CELF4: variants seen among roughly 807,000 people sequenced by gnomAD.
The protein encoded by CELF4 is CUGBP Elav-like family member 4, also known as CUG-BP- and ETR-3-like factor 4.
In CELF4, 18 loss-of-function variants were observed where a neutral mutation model predicts 59.9. The ratio of observed to expected loss-of-function variants is 0.30; its 90% CI spans 0.21 to 0.45. The LOEUF (loss-of-function observed/expected upper bound fraction) is 0.45. Ranked by LOEUF, CELF4 falls within the 20% of genes least tolerant of loss-of-function variation. The pLI, the probability that CELF4 is intolerant of heterozygous loss-of-function variation, is 1.00. For synonymous variants in CELF4, 261 were observed against 267.1 expected (o/e 0.98, Z 0.22); for missense variants, 456 against 689.0 (o/e 0.66, Z 3.79).
intron 1 of CELF4, among the ~76,000 whole-genome samples, chr18:37,521,483 T>A (rs2099957381): frequency 6.6e-6 from 1 of 152,184 alleles, no homozygotes. Flanking sequence ...TACAATGCGG[T>A]CTTATAATCT....
intron 1 of CELF4, among the ~76,000 whole-genome samples, chr18:37,518,810 C>A: frequency 6.6e-6 from 1 of 152,238 alleles, no homozygotes; most frequent in East Asian, 1.9e-4. Context: ...AGTGTGGTTC[C>A]TTACAGTTTT....
intron 3 of CELF4, among the ~76,000 whole-genome samples, chr18:37,287,290 G>A (rs371177793): frequency 2.6e-5 from 4 of 152,348 alleles, no homozygotes; most frequent in African/African-American, 4.8e-5. Context: ...CAGGCACTGC[G>A]TCCCTGGCCC....
rs117382383 is a variant in CELF4 at position 37,331,224 on chromosome 18, G to A, written c.370-9343C>T. Among the ~76,000 whole-genome samples the A allele has an allele frequency of 7.9e-3, 1,209 of 152,276 alleles. 8 individuals are homozygous for A. The highest frequency in any genetic ancestry group is 0.012 in the Non-Finnish European group (787 of 68,014). ...GAACAAAGCACTTGAGGTTGTGTCAGGGTAATCTGCAGACATGTCTCACCA... is the reference window on the plus strand; with the variant it reads ...GAACAAAGCACTTGAGGTTGTGTCAAGGTAATCTGCAGACATGTCTCACCA... On this transcript the variant is annotated intron_variant, in intron 2 of 12. Coordinates refer to ENST00000420428, the MANE Select transcript of CELF4 (RefSeq NM_020180.4).
intron 3 of CELF4, among the ~76,000 whole-genome samples, chr18:37,314,799 C>T (rs2096805735): frequency 6.6e-6 from 1 of 152,156 alleles, no homozygotes. Context: ...CCTTGCTTCT[C>T]CTGGGTTCAG....
At chr18:37,340,562 T>G (rs2097968739) in intron 2 of CELF4, among the ~76,000 whole-genome samples, 1 of 152,198 alleles carries the variant, frequency 6.6e-6, no homozygotes, top group Non-Finnish European at 1.5e-5. Context: ...CAACCATTCC[T>G]GGGCTGAGTT....
chr18:37,429,047 C>T (rs2099632016), intron 2 of CELF4, among the ~76,000 whole-genome samples: 1 of 152,144 alleles, frequency 6.6e-6, no homozygotes, highest in African/African-American at 2.4e-5. Context: ...ATGGATGCCC[C>T]TTGTCTCTGC....
chr18:37,518,989 C>T (rs1418280263), intron 1 of CELF4, among the ~76,000 whole-genome samples: 1 of 152,152 alleles, frequency 6.6e-6, no homozygotes, highest in Non-Finnish European at 1.5e-5. Flanking sequence ...CATTCTGCCC[C>T]CTCCTCCAGG....
intron 2 of CELF4, among the ~76,000 whole-genome samples, chr18:37,423,077 C>CAG (rs1468986723): frequency 2.7e-3 from 380 of 142,028 alleles, no homozygotes; most frequent in African/African-American, 8.9e-3. Context: ...CACACACACA[C>CAG]ACACAGAGAC....
chr18:37,327,972 T>C (rs141484374), intron 2 of CELF4, among the ~76,000 whole-genome samples: 36 of 152,332 alleles, frequency 2.4e-4, no homozygotes, highest in Admixed American at 1.7e-3. Context: ...TTGTCACACA[T>C]GAACCTGCAC....
intron 2 of CELF4, among the ~76,000 whole-genome samples, chr18:37,427,823 G>A (rs1188963416): frequency 3.3e-5 from 5 of 152,206 alleles, no homozygotes; most frequent in African/African-American, 1.2e-4. Context: ...TTCTCCACAT[G>A]GTTGATAGAT....
intron 1 of CELF4, among the ~76,000 whole-genome samples, chr18:37,560,315 A>G (rs780988147): frequency 6.6e-6 from 1 of 152,270 alleles, no homozygotes; most frequent in African/African-American, 2.4e-5. Flanking sequence ...TTAAAAGACA[A>G]ATGAAATTAT....
At chr18:37,507,643 G>A (rs1176657566) in intron 1 of CELF4, among the ~76,000 whole-genome samples, 3 of 152,128 alleles carry the variant, frequency 2.0e-5, no homozygotes, top group Admixed American at 6.5e-5. Flanking sequence ...TTTAAATCGG[G>A]CTCCTCCTAG....
At chr18:37,427,555 C>G (rs1204619122) in intron 2 of CELF4, among the ~76,000 whole-genome samples, 1 of 152,154 alleles carries the variant, frequency 6.6e-6, no homozygotes, top group Non-Finnish European at 1.5e-5. Context: ...CCTGGCCTGT[C>G]CCTCTCTGCA....
chr18:37,510,016 G>A (rs771720279), intron 1 of CELF4, among the ~76,000 whole-genome samples: 2 of 152,200 alleles, frequency 1.3e-5, no homozygotes, highest in African/African-American at 2.4e-5. Context: ...AGGTAGGAAT[G>A]GGGTATAACT....
At chr18:37,491,208 C>T (rs535164388) in intron 1 of CELF4, among the ~76,000 whole-genome samples, 23 of 149,958 alleles carry the variant, frequency 1.5e-4, no homozygotes, top group South Asian at 2.2e-4. Flanking sequence ...CTGAGAGGGA[C>T]GCCGTGCCCA....
chr18:37,413,782 C>T (rs1343009694), intron 2 of CELF4, among the ~76,000 whole-genome samples: 3 of 152,222 alleles, frequency 2.0e-5, no homozygotes, highest in African/African-American at 7.2e-5. Flanking sequence ...AGGAGCCTAT[C>T]ATCCTCCCTT....
intron 2 of CELF4, among the ~76,000 whole-genome samples, chr18:37,394,433 G>T (rs959253112): frequency 1.3e-5 from 2 of 152,164 alleles, no homozygotes; most frequent in African/African-American, 4.8e-5. Context: ...CCAGCAGCCG[G>T]GCCTCCTTCT....
intron 3 of CELF4, among the ~76,000 whole-genome samples, chr18:37,312,110 C>CAA (rs59872500): frequency 8.7e-4 from 44 of 50,568 alleles, no homozygotes; most frequent in African/African-American, 1.4e-3. Flanking sequence ...GATTCCGTCT[C>CAA]AAAAAAAAAA....
chr18:37,351,024 C>T (rs2098427614), intron 2 of CELF4, among the ~76,000 whole-genome samples: 1 of 152,222 alleles, frequency 6.6e-6, no homozygotes, highest in South Asian at 2.1e-4. Context: ...ACCCACCTCC[C>T]CCCTTCTTTC....
Sources: allele counts gnomAD v4.1 joint callset (sites outside exome capture counted in the v4.1 genomes callset), GRCh38; gene constraint gnomAD v4.1.1; transcripts MANE v1.5; gene names NCBI Gene and HGNC (gene_info 2026-07-23, HGNC 2026-07-21).